The following KDM5A variants were observed in gnomAD, a reference collection of about 807,000 sequenced individuals.
KDM5A encodes lysine-specific demethylase 5A.
Under a neutral mutation model 193.5 loss-of-function variants are expected in KDM5A, and 42 were observed. The ratio of observed to expected loss-of-function variants is 0.22; its 90% confidence interval spans 0.17 to 0.28. KDM5A has a LOEUF of 0.28. Ranked by LOEUF, KDM5A falls within the 10% of genes least tolerant of loss-of-function variation. The probability of loss-of-function intolerance (pLI) is 1.00; values close to 1 mark genes in which losing one functional copy is unlikely to be tolerated. For missense variants in KDM5A, 1,692 were observed against 2,055.1 expected, an observed-to-expected ratio of 0.82 and a Z score of 3.42; for synonymous variants, 796 against 718.1, an observed-to-expected ratio of 1.11 and a Z score of -1.73.
intron 19 of KDM5A, 65 bp from the exon 20 acceptor site, chr12:313,259 T>A (rs1010765212): frequency 1.3e-6 from 2 of 1,573,260 alleles, no homozygotes; most frequent in African/African-American, 1.4e-5. Context: ...CATTTCAGAA[T>A]GTTTAGAGAA....
intron 21 of KDM5A, 151 bp from the exon 22 acceptor site, chr12:310,115 A>C (rs1943565335): frequency 2.8e-6 from 2 of 716,736 alleles, no homozygotes; most frequent in South Asian, 3.8e-5. Flanking sequence ...TCCTCACAAC[A>C]ACCCTATGTA....
At chr12:304,198 G>A (rs2137382076) in intron 24 of KDM5A, among the ~76,000 whole-genome samples, 1 of 152,206 alleles carries the variant, frequency 6.6e-6, no homozygotes, top group Middle Eastern at 3.4e-3. Flanking sequence ...TTTCTGGATG[G>A]TAACTAAGAT....
chr12:302,156 G>T (rs1029428790), intron 24 of KDM5A, among the ~76,000 whole-genome samples: 1 of 152,138 alleles, frequency 6.6e-6, no homozygotes, highest in African/African-American at 2.4e-5. Context: ...TTTCTTCACA[G>T]AACTGGAAAA....
intron 27 of KDM5A, among the ~76,000 whole-genome samples, chr12:287,471 C>T (rs1943233077): frequency 6.6e-6 from 1 of 150,944 alleles, no homozygotes; most frequent in South Asian, 2.1e-4. Flanking sequence ...CCAAAATGTT[C>T]CTATTGTAGC....
At chr12:305,969 GT>G (rs3038312) in intron 24 of KDM5A, among the ~76,000 whole-genome samples, 2,908 of 104,170 alleles carry the variant, frequency 0.028, 70 homozygotes, top group African/African-American at 0.1. Context: ...CAATGGAAGT[GT>G]TTTTTTTTTT....
Position 297,184 on chromosome 12 carries a change from T to G in KDM5A, c.4091A>C (p.Lys1364Thr), listed in dbSNP as rs531280433. The G allele has an allele frequency of 1.2e-6, 2 of 1,613,914 alleles. No homozygotes were observed. The highest frequency in any genetic ancestry group is 3.3e-5 in the Admixed American group (2 of 60,010). Residue 1364 changes from lysine to threonine, a missense_variant, in exon 25 of 28, where the codon AAG becomes ACG. Physicochemically the swap from Lys to Thr is moderately conservative, Grantham distance 78. Transcript: ENST00000399788. Reference sequence around the variant, plus strand: ...ATTGGGTTCAAGACTACTAGAGGACTTCACACTGGCTGTGTCCTGAAGAAG... The same window carrying G: ...ATTGGGTTCAAGACTACTAGAGGACGTCACACTGGCTGTGTCCTGAAGAAG... ...GYDMKDTASV[K>T]SSSSLEPNLF...
chr12:344,753 G>A (rs908984190), intron 10 of KDM5A, among the ~76,000 whole-genome samples: 2 of 152,126 alleles, frequency 1.3e-5, no homozygotes, highest in African/African-American at 4.8e-5. Flanking sequence ...CCTTACAAGA[G>A]CTCCTGAAGG....
At chr12:365,219 A>G (rs1272451553) in intron 4 of KDM5A, among the ~76,000 whole-genome samples, 1 of 151,942 alleles carries the variant, frequency 6.6e-6, no homozygotes, top group Non-Finnish European at 1.5e-5. Flanking sequence ...TACCTGGCTA[A>G]TTTTTTGTAT....
At chr12:331,984 TAAC>T in intron 12 of KDM5A, 46 bp from the exon 13 acceptor site, 1 of 1,570,684 alleles carries the variant, frequency 6.4e-7, no homozygotes, top group Non-Finnish European at 8.7e-7. Context: ...AAAATAAAAA[TAAC>T]AAACAGAGGA....
At chr12:326,937 C>CT (rs2137416558) in intron 14 of KDM5A, among the ~76,000 whole-genome samples, 1 of 145,574 alleles carries the variant, frequency 6.9e-6, no homozygotes, top group African/African-American at 2.5e-5. Context: ...CACTGGTGAA[C>CT]TTTGAGACTT....
rs192715343 is a variant in KDM5A at position 371,016 on chromosome 12, T to C, written c.367-4912A>G. On this transcript the variant is annotated intron_variant, in intron 3 of 27. Transcript: ENST00000399788. The stretch of plus-strand genomic sequence containing the variant: ...ACATTTTCTTAATCCAGTCTATCAT[T>C]GATGGACATTTGGGTTGGTTCCAAG... 3.8e-3 allele frequency among the ~76,000 whole-genome samples: 574 copies of C among 152,342 alleles called. 14 individuals are homozygous for C. Among genetic ancestry groups the C allele is most frequent in the Admixed American group, 0.031 (472 of 15,288 alleles).
At chr12:329,110 C>G (rs1943830709) in intron 13 of KDM5A, 81 bp from the exon 14 acceptor site, 2 of 1,134,860 alleles carry the variant, frequency 1.8e-6, no homozygotes, top group East Asian at 4.8e-5. Flanking sequence ...CCAGGTCCTC[C>G]CTTTTATTAG....
chr12:280,942 T>C lies in KDM5A; in HGVS notation c.*4514A>G. 4.3e-6 allele frequency: 1 copy of C among 233,064 alleles called. No individual in the cohort carries two copies. Among genetic ancestry groups the C allele is most frequent in the Non-Finnish European group, 8.5e-6 (1 of 117,920 alleles). The allele number at this position is 233,064 out of a possible 1,614,324, so 14.4% of individuals were successfully genotyped here. A position where few individuals can be genotyped will look rare whatever the true frequency, so the allele number is the denominator to read the frequency against. ...TTAGCAAATGAAATTAGAAACTGCT[T>C]TGGCACAGGTCAAAGGTGGCTCCCA... is the stretch of plus-strand genomic sequence containing the variant. On this transcript the variant is annotated 3_prime_UTR_variant, in exon 28 of 28. Transcript: ENST00000399788.
In KDM5A at chr12:295,692, C is replaced by T. The variant is rs112579803; in HGVS notation, c.4336G>A (p.Glu1446Lys). The change falls in exon 26 of 28, where the codon GAA becomes AAA. Residue 1446 changes from glutamate (E) to lysine (K), a missense_variant. Physicochemically the swap from Glu to Lys is moderately conservative, Grantham distance 56. Around this residue, in one of 11 missense-constraint regions of KDM5A, gnomAD observed 965 missense variants for 1,061.0 expected, o/e 0.91. Coordinates refer to ENST00000399788, the MANE Select transcript of KDM5A (RefSeq NM_001042603.3). Reference protein sequence around the residue: ...ELSPGAKAQLEELMMVGDLLE... With the variant: ...ELSPGAKAQLKELMMVGDLLE... ...AGATCTCCAACCATCATAAGTTCTT[C>T]CAGTTGTGCCTTAGCTCCAGGTGAC... The T allele has an allele frequency of 6.2e-7, 1 of 1,614,120 alleles. No homozygotes were observed. Among genetic ancestry groups the T allele is most frequent in the Non-Finnish European group, 8.5e-7 (1 of 1,180,002 alleles).
intron 26 of KDM5A, among the ~76,000 whole-genome samples, chr12:294,940 G>A (rs1943350075): frequency 1.3e-5 from 2 of 152,134 alleles, no homozygotes; most frequent in Non-Finnish European, 2.9e-5. Flanking sequence ...CATCAAATGA[G>A]CTCATGGAAC....
intron 3 of KDM5A, among the ~76,000 whole-genome samples, chr12:378,912 T>A (rs1408883477): frequency 6.9e-6 from 1 of 144,750 alleles, no homozygotes; most frequent in African/African-American, 2.6e-5. Flanking sequence ...TGAGCCAAAA[T>A]CGTGCTGCTG....
chr12:343,085 C>T (rs1944027319), intron 10 of KDM5A, among the ~76,000 whole-genome samples: 1 of 152,214 alleles, frequency 6.6e-6, no homozygotes, highest in Non-Finnish European at 1.5e-5. Context: ...CTGCAATTTT[C>T]CCAAGGTCTT....
chr12:295,860 A>T (rs1313084384), intron 25 of KDM5A, 67 bp from the exon 26 acceptor site: 1 of 1,417,790 alleles, frequency 7.1e-7, no homozygotes, highest in Non-Finnish European at 9.9e-7. Context: ...ATGTTTTCAA[A>T]GCAAATATTG....
In KDM5A at chr12:389,007, ACTC is replaced by A; in HGVS notation, c.82_84del (p.Glu28del). 6.2e-7 allele frequency: 1 copy of A among 1,608,882 alleles called. No individual in the cohort carries two copies. Among genetic ancestry groups the A allele is most frequent in the Non-Finnish European group, 8.5e-7 (1 of 1,179,056 alleles). ...CCGATAAAGCTGAGCGGATCTGTGAACTCCTCCCAACTCGGCTCAAAGACGGGG... is the reference window on the plus strand; with the variant it reads ...CCGATAAAGCTGAGCGGATCTGTGAACTCCCAACTCGGCTCAAAGACGGGG... On this transcript the variant is annotated inframe_deletion, in exon 1 of 28. Transcript: ENST00000399788.
Sources: gnomAD v4.1 joint callset for allele counts (sites outside exome capture counted in the v4.1 genomes callset) on GRCh38, gnomAD v4.1.1 for gene constraint, gnomAD v4.1.1 regional missense constraint, MANE v1.5 for transcripts, NCBI Gene and HGNC (gene_info 2026-07-23, HGNC 2026-07-21) for gene names.